CADM1: variants seen among roughly 807,000 people sequenced by gnomAD.
CADM1 encodes TSLC-1.
A neutral mutation model predicts 53.1 loss-of-function variants in CADM1; 15 were observed. The ratio of observed to expected loss-of-function variants is 0.28; its 90% confidence interval spans 0.19 to 0.44. The LOEUF is 0.44. Among genes scored for constraint, CADM1 ranks in the 20% least tolerant of loss-of-function variants. CADM1 has a pLI of 1.00. For synonymous variants in CADM1, 281 were observed against 243.0 expected, an observed-to-expected ratio of 1.16 and a Z score of -1.45; for missense variants, 434 against 611.3, an observed-to-expected ratio of 0.71 and a Z score of 3.06.
intron 1 of CADM1, among the ~76,000 whole-genome samples, chr11:115,357,489 G>T (rs1270262365): frequency 6.6e-6 from 1 of 152,094 alleles, no homozygotes; most frequent in Non-Finnish European, 1.5e-5. Flanking sequence ...ATGCCAAAGG[G>T]TCCAAGCGCA....
chr11:115,396,453 C>T lies in CADM1; in HGVS notation c.124+107818G>A, dbSNP rs566703028. On this transcript the variant is annotated intron_variant, in intron 1 of 11. Coordinates refer to ENST00000331581, the MANE Select transcript of CADM1 (RefSeq NM_001301043.2). ...TTTTTCCTTAGTGCTGGCTTTTTGG[C>T]ATTTTGGTCATTTCAACAATATTCG... Among the ~76,000 whole-genome samples, 4 of 152,268 alleles carry T rather than the reference C, an allele frequency of 2.6e-5. No individual in the cohort carries two copies. In the East Asian group the frequency reaches 7.7e-4, roughly 29 times the overall value.
At chr11:115,472,049 C>T (rs1196675790) in intron 1 of CADM1, among the ~76,000 whole-genome samples, 1 of 152,178 alleles carries the variant, frequency 6.6e-6, no homozygotes, top group Non-Finnish European at 1.5e-5. Flanking sequence ...AAATTGACTA[C>T]AGATTTGACC....
chr11:115,229,171 C>G lies in CADM1; in HGVS notation c.663G>C (p.Gln221His), dbSNP rs1565311430. ...TTCCAGTGACCGCAGGGTGCTCCAC[C>G]TGGCAGATCACTGGGACCCCATCGT... Reference protein sequence around the residue: ...KEDDGVPVICQVEHPAVTGNL... With the variant: ...KEDDGVPVICHVEHPAVTGNL... The change falls in exon 5 of 12, where the codon CAG (glutamine) becomes CAC (histidine). Residue 221 changes from glutamine to histidine, a missense_variant. Transcript: ENST00000331581. 1 of 1,614,094 alleles carries G rather than the reference C, an allele frequency of 6.2e-7. No homozygotes were observed. Among genetic ancestry groups the G allele is most frequent in the Non-Finnish European group, 8.5e-7 (1 of 1,180,008 alleles).
intron 1 of CADM1, among the ~76,000 whole-genome samples, chr11:115,262,882 C>A (rs1402015523): frequency 6.6e-6 from 1 of 151,906 alleles, no homozygotes; most frequent in Non-Finnish European, 1.5e-5. Context: ...TATCATAAAG[C>A]CTTCTTCATC....
chr11:115,434,577 C>T (rs1948135306), intron 1 of CADM1, among the ~76,000 whole-genome samples: 1 of 152,166 alleles, frequency 6.6e-6, no homozygotes, highest in Admixed American at 6.5e-5. Flanking sequence ...GAGAACAGTT[C>T]TCACTTCATA....
chr11:115,458,856 A>G (rs1948735081), intron 1 of CADM1, among the ~76,000 whole-genome samples: 6 of 152,168 alleles, frequency 3.9e-5, no homozygotes, highest in Admixed American at 3.9e-4. Context: ...TAAGGCATAC[A>G]TCCTCACAAA....
At chr11:115,195,381 G>C (rs1411268609) in intron 9 of CADM1, among the ~76,000 whole-genome samples, 1 of 152,098 alleles carries the variant, frequency 6.6e-6, no homozygotes. Flanking sequence ...ATTTTAATGA[G>C]TCTTCAAAGG....
At chr11:115,421,695 A>ATTCT (rs1284195845) in intron 1 of CADM1, among the ~76,000 whole-genome samples, 1 of 152,202 alleles carries the variant, frequency 6.6e-6, no homozygotes, top group African/African-American at 2.4e-5. Context: ...GGAGAGAAAA[A>ATTCT]GCTAATTCTA....
intron 1 of CADM1, among the ~76,000 whole-genome samples, chr11:115,295,550 A>ATAT (rs371584699): frequency 1.9e-5 from 1 of 53,000 alleles, no homozygotes; most frequent in African/African-American, 1.3e-4. Context: ...ATATATATAT[A>ATAT]ATATATATGT....
intron 1 of CADM1, among the ~76,000 whole-genome samples, chr11:115,270,803 T>C (rs922945279): frequency 6.6e-5 from 10 of 152,212 alleles, no homozygotes; most frequent in Non-Finnish European, 1.5e-5. Flanking sequence ...ACTTTGGCCC[T>C]TGAATTCAAG....
chr11:115,415,823 CAAAAAAAAAAAAAAAAAA>C (rs71066426), intron 1 of CADM1, among the ~76,000 whole-genome samples: 3 of 43,660 alleles, frequency 6.9e-5, no homozygotes, highest in Admixed American at 3.9e-4. Context: ...AGACTGTCTC[CAAAAAAAAAAAAAAAAAA>C]AAAAAAAAAA....
intron 1 of CADM1, among the ~76,000 whole-genome samples, chr11:115,252,799 T>C (rs571848421): frequency 4.6e-5 from 7 of 152,300 alleles, no homozygotes; most frequent in Non-Finnish European, 8.8e-5. Flanking sequence ...ATACGGTGTT[T>C]CACAAAAGTC....
Position 115,231,345 on chromosome 11 carries a change from C to A in CADM1, c.562+8G>T, listed in dbSNP as rs1278762802. ...AACTACTTCAGTGTGTGGCAATCTG[C>A]AGCTTACCTTTTAGCTCTGTGTTCC... On this transcript the variant is annotated splice_region_variant and intron_variant, in intron 4 of 11. Coordinates refer to ENST00000331581, the MANE Select transcript of CADM1 (RefSeq NM_001301043.2). The A allele has an allele frequency of 1.2e-6, 2 of 1,613,996 alleles. No homozygotes were observed. Among genetic ancestry groups the A allele is most frequent in the African/African-American group, 2.7e-5 (2 of 74,932 alleles).
At chr11:115,434,350 C>A (rs1240966184) in intron 1 of CADM1, among the ~76,000 whole-genome samples, 1 of 152,198 alleles carries the variant, frequency 6.6e-6, no homozygotes, top group Non-Finnish European at 1.5e-5. Context: ...TCCCCTTTTG[C>A]TACAGACAAA....
chr11:115,225,951 A>G (rs895405202), intron 5 of CADM1, among the ~76,000 whole-genome samples: 7 of 152,168 alleles, frequency 4.6e-5, no homozygotes, highest in Non-Finnish European at 1.0e-4. Flanking sequence ...AAAATCAGCC[A>G]GGCTTAAACA....
At chr11:115,217,606 T>A (rs1313924339) in intron 6 of CADM1, among the ~76,000 whole-genome samples, 2 of 152,194 alleles carry the variant, frequency 1.3e-5, no homozygotes, top group African/African-American at 4.8e-5. Flanking sequence ...TAGGATTATT[T>A]TTTTGTGTGT....
At chr11:115,381,524 C>T (rs1322921382) in intron 1 of CADM1, among the ~76,000 whole-genome samples, 1 of 152,140 alleles carries the variant, frequency 6.6e-6, no homozygotes, top group Non-Finnish European at 1.5e-5. Context: ...AACCTAGGTT[C>T]ATAGCTCAGC....
At chr11:115,289,564 G>A (rs373017903) in intron 1 of CADM1, among the ~76,000 whole-genome samples, 14 of 149,786 alleles carry the variant, frequency 9.3e-5, no homozygotes, top group African/African-American at 3.0e-4. Flanking sequence ...TGGCTACAGC[G>A]ACTAAGGAAC....
chr11:115,352,898 TACC>T (rs2135065578), intron 1 of CADM1, among the ~76,000 whole-genome samples: 1 of 152,350 alleles, frequency 6.6e-6, no homozygotes, highest in Admixed American at 6.5e-5. Context: ...GGTGTATATG[TACC>T]ACATTTTCTT....
Sources: allele counts gnomAD v4.1 joint callset (sites outside exome capture counted in the v4.1 genomes callset), GRCh38; gene constraint gnomAD v4.1.1; transcripts MANE v1.5; gene names NCBI Gene and HGNC (gene_info 2026-07-23, HGNC 2026-07-21).